The following ZNF717 variants were observed in gnomAD, a reference collection of about 807,000 sequenced individuals.
ZNF717 encodes krueppel-like factor X17.
Under a neutral mutation model 13.8 loss-of-function variants are expected in ZNF717, and 9 were observed. The ratio of observed to expected loss-of-function variants is 0.65; its 90% confidence interval spans 0.39 to 1.14. The LOEUF (loss-of-function observed/expected upper bound fraction) is 1.14. ZNF717 is among the 50% of genes most tolerant of loss of function. ZNF717 has a pLI of 0.01. For synonymous variants in ZNF717, 327 were observed against 364.1 expected, an observed-to-expected ratio of 0.90 and a Z score of 1.16; for missense variants, 1,040 against 1,080.7, an observed-to-expected ratio of 0.96 and a Z score of 0.53.
chr3:75,707,701 C>T (rs1421462397), downstream of ZNF717, among the ~76,000 whole-genome samples: 1 of 152,132 alleles, frequency 6.6e-6, no homozygotes, highest in African/African-American at 2.4e-5. Flanking sequence ...CTTTCCTAGT[C>T]AAAGAAAGGG....
At chr3:75,719,486 C>T (rs1189017925) in intron 4 of ZNF717, among the ~76,000 whole-genome samples, 1 of 152,136 alleles carries the variant, frequency 6.6e-6, no homozygotes. Flanking sequence ...GTGAAATGTA[C>T]ATTTAGATAT....
chr3:75,703,348 A>C (rs1223316686), intron 6 of ZNF717, among the ~76,000 whole-genome samples: 61 of 152,372 alleles, frequency 4.0e-4, no homozygotes, highest in African/African-American at 1.3e-3. Context: ...CAGCCAATGG[A>C]GTGAGACCCA....
chr3:75,777,467 T>C (rs563047918), intron 2 of ZNF717, among the ~76,000 whole-genome samples: 47 of 146,584 alleles, frequency 3.2e-4, no homozygotes, highest in African/African-American at 1.1e-3. Flanking sequence ...ACAATGGGAG[T>C]GATGTGCTAA....
intron 2 of ZNF717, among the ~76,000 whole-genome samples, chr3:75,779,923 GT>G: frequency 6.6e-6 from 1 of 150,658 alleles, no homozygotes; most frequent in Non-Finnish European, 1.5e-5. Flanking sequence ...CGGGAGTGAT[GT>G]GCTAAAACTG....
At chr3:75,696,175 T>C (rs1937600472) in intron 6 of ZNF717, among the ~76,000 whole-genome samples, 1 of 152,308 alleles carries the variant, frequency 6.6e-6, no homozygotes, top group Non-Finnish European at 1.5e-5. Flanking sequence ...TAGTGGTTAC[T>C]ATCAGCAATT....
chr3:75,736,744 G>T lies in ZNF717; in HGVS notation c.*134C>A, dbSNP rs75734709. On this transcript the variant is annotated 3_prime_UTR_variant, in exon 5 of 5. Coordinates refer to ENST00000652011, the MANE Select transcript of ZNF717 (RefSeq NM_001290208.3). ...GGGAACAACAAAGCCTGCATGATAG[G>T]ACTTCTGTTACAGCATGGTTAAGAC... 1.4e-6 allele frequency: 1 copy of T among 691,528 alleles called. No homozygotes were observed. The highest frequency in any genetic ancestry group is 3.3e-5 in the Admixed American group (1 of 30,336). The allele number at this position is 691,528 out of a possible 1,614,324, so 42.8% of individuals were successfully genotyped here.
intron 2 of ZNF717, among the ~76,000 whole-genome samples, chr3:75,766,107 A>T (rs1054244362): frequency 3.3e-5 from 5 of 151,914 alleles, no homozygotes; most frequent in African/African-American, 1.2e-4. Flanking sequence ...ACCCTGTCTT[A>T]AAAAAAAATA....
downstream of ZNF717, among the ~76,000 whole-genome samples, chr3:75,729,615 C>CAAAAAAAAAAAAAAAAA (rs369485280): frequency 8.7e-6 from 1 of 115,548 alleles, no homozygotes. Context: ...AACTCCATAT[C>CAAAAAAAAAAAAAAAAA]AAAAAAAAAA....
chr3:75,707,325 T>C (rs1193699009), downstream of ZNF717, among the ~76,000 whole-genome samples: 2 of 152,184 alleles, frequency 1.3e-5, 1 homozygote, highest in African/African-American at 4.8e-5. Context: ...TGTTACCAGA[T>C]AAAAAGCCTA....
intron 2 of ZNF717, among the ~76,000 whole-genome samples, chr3:75,742,321 CA>C (rs369657631): frequency 0.16 from 7,954 of 51,052 alleles, 80 homozygotes; most frequent in African/African-American, 0.23. Flanking sequence ...GCCTACCTCT[CA>C]AAAAAAAAAA....
At chr3:75,700,712 G>A (rs1232476568) in intron 6 of ZNF717, among the ~76,000 whole-genome samples, 1 of 152,290 alleles carries the variant, frequency 6.6e-6, no homozygotes, top group African/African-American at 2.4e-5. Flanking sequence ...GTAATCAATA[G>A]GGCTGGGAAA....
At chr3:75,785,248 G>C (rs1223938983) in intron 1 of ZNF717, 136 bp downstream of exon 1, 5 of 152,310 alleles carry the variant, frequency 3.3e-5, no homozygotes, top group Non-Finnish European at 5.9e-5. Flanking sequence ...TCAGCGGCAG[G>C]ACAGGAGCGC....
intron 5 of ZNF717, among the ~76,000 whole-genome samples, chr3:75,712,374 T>G (rs1937957738): frequency 6.6e-6 from 1 of 152,274 alleles, no homozygotes; most frequent in Non-Finnish European, 1.5e-5. Flanking sequence ...TGTTCTAACA[T>G]AGGGGACCAC....
chr3:75,736,984 C>A lies in ZNF717; in HGVS notation c.2639G>T (p.Cys880Phe). Reference protein sequence around the residue: ...YECKECGKTFCQKSHLSRHQQ... With the variant: ...YECKECGKTFFQKSHLSRHQQ... ...ATGCCTGCTGAGGTGTGACTTCTGG[C>A]AAAAGGTTTTCCCACATTCCTTACA... Residue 880 changes from cysteine to phenylalanine, a missense_variant, in exon 5 of 5, where the codon TGC becomes TTC. By Grantham distance (205) the Cys-to-Phe change is radical. Coordinates refer to ENST00000652011, the MANE Select transcript of ZNF717 (RefSeq NM_001290208.3). The A allele has an allele frequency of 6.3e-7, 1 of 1,582,304 alleles. No individual in the cohort carries two copies. Among genetic ancestry groups the A allele is most frequent in the Non-Finnish European group, 8.6e-7 (1 of 1,164,430 alleles).
At chr3:75,755,812 T>C (rs113787601) in intron 2 of ZNF717, among the ~76,000 whole-genome samples, 2 of 146,270 alleles carry the variant, frequency 1.4e-5, no homozygotes, top group East Asian at 2.0e-4. Flanking sequence ...AAAAGAGTGG[T>C]AGACAAGAGA....
At chr3:75,724,794 G>A (rs1330448373) in intron 4 of ZNF717, among the ~76,000 whole-genome samples, 1 of 151,816 alleles carries the variant, frequency 6.6e-6, no homozygotes, top group East Asian at 1.9e-4. Context: ...CCAAAGCAGA[G>A]AACAAAAACA....
At chr3:75,751,109 A>G (rs1275231386) in intron 2 of ZNF717, among the ~76,000 whole-genome samples, 1 of 150,766 alleles carries the variant, frequency 6.6e-6, no homozygotes, top group Non-Finnish European at 1.5e-5. Context: ...AACTGCTATG[A>G]GGGTCCGAAT....
chr3:75,776,903 AAAACCGACTTAGTTAAGCAAG>A (rs1559687295), intron 2 of ZNF717, among the ~76,000 whole-genome samples: 3 of 152,222 alleles, frequency 2.0e-5, no homozygotes, highest in African/African-American at 7.2e-5. Flanking sequence ...GAATTAACAA[AAAACCGACTTAGTTAAGCAAG>A]TAAACTCTTT....
In ZNF717 at chr3:75,738,541, T is replaced by G. The variant is rs1939841269; in HGVS notation, c.1082A>C (p.His361Pro). ...KSFLTLHERTHTGDKPYKCIE... is the reference protein window; with the variant it reads ...KSFLTLHERTPTGDKPYKCIE... ...ACATTTGTAGGGTTTATCCCCTGTG[T>G]GAGTTCTCTCATGTAAAGTGAGGAA... is the stretch of plus-strand genomic sequence containing the variant. Residue 361 changes from histidine (H) to proline (P), a missense_variant, in exon 5 of 5, where the codon CAC (histidine) becomes CCC (proline). His to Pro is a moderately conservative substitution (Grantham distance 77, BLOSUM62 -2). Coordinates refer to ENST00000652011, the MANE Select transcript of ZNF717 (RefSeq NM_001290208.3). 3.2e-6 allele frequency: 5 copies of G among 1,542,164 alleles called. No individual in the cohort carries two copies. Among genetic ancestry groups the G allele is most frequent in the Non-Finnish European group, 2.6e-6 (3 of 1,140,186 alleles).
Sources: allele counts gnomAD v4.1 joint callset (sites outside exome capture counted in the v4.1 genomes callset), GRCh38; gene constraint gnomAD v4.1.1; transcripts MANE v1.5; gene names NCBI Gene and HGNC (gene_info 2026-07-23, HGNC 2026-07-21).